Variants in RSRC1 observed in about 807,000 individuals in gnomAD.
RSRC1 encodes the protein arginine and serine rich coiled-coil 1, also known as serine/Arginine-related protein 53.
RSRC1 carries 39 observed loss-of-function variants against 49.1 expected under a neutral mutation model. That is an observed-to-expected ratio of 0.79 (90% CI 0.61 to 1.04). The LOEUF is 1.04. Ranked by LOEUF, RSRC1 falls within the 50% of genes least tolerant of loss-of-function variation. The probability of loss-of-function intolerance (pLI) is 0.00; values close to 1 mark genes in which losing one functional copy is unlikely to be tolerated. For missense variants in RSRC1, 388 were observed against 402.4 expected, an observed-to-expected ratio of 0.96 and a Z score of 0.31; for synonymous variants, 143 against 130.8, an observed-to-expected ratio of 1.09 and a Z score of -0.63.
chr3:158,477,553 C>T (rs1738419869), intron 7 of RSRC1, among the ~76,000 whole-genome samples: 1 of 151,910 alleles, frequency 6.6e-6, no homozygotes, highest in South Asian at 2.1e-4. Flanking sequence ...TAAATTAAGG[C>T]ATGTACAGTG....
intron 7 of RSRC1, among the ~76,000 whole-genome samples, chr3:158,534,862 C>G (rs1403151035): frequency 6.6e-6 from 1 of 151,128 alleles, no homozygotes; most frequent in Non-Finnish European, 1.5e-5. Flanking sequence ...ATGTAGTATG[C>G]TAATTTTATG....
chr3:158,409,524 A>T (rs1471361891), intron 6 of RSRC1, among the ~76,000 whole-genome samples: 1 of 151,614 alleles, frequency 6.6e-6, no homozygotes, highest in African/African-American at 2.4e-5. Context: ...ATTGTATTTT[A>T]TGTCTGATTA....
chr3:158,160,196 T>C (rs1469354091), intron 3 of RSRC1, among the ~76,000 whole-genome samples: 4 of 152,144 alleles, frequency 2.6e-5, no homozygotes, highest in Non-Finnish European at 5.9e-5. Flanking sequence ...TGAATGATTG[T>C]GTCTGTGTCT....
chr3:158,260,293 T>C (rs1035103787), intron 4 of RSRC1, among the ~76,000 whole-genome samples: 1 of 152,136 alleles, frequency 6.6e-6, no homozygotes, highest in Non-Finnish European at 1.5e-5. Context: ...TTGCCAGGAC[T>C]AGGTCTTCCC....
intron 6 of RSRC1, among the ~76,000 whole-genome samples, chr3:158,403,754 T>C (rs1313947554): frequency 6.6e-6 from 1 of 151,816 alleles, no homozygotes; most frequent in Admixed American, 6.6e-5. Flanking sequence ...TGTGTTCCTA[T>C]TTTATGAGTT....
At chr3:158,153,062 G>A (rs1207991738) in intron 3 of RSRC1, among the ~76,000 whole-genome samples, 1 of 152,156 alleles carries the variant, frequency 6.6e-6, no homozygotes. Flanking sequence ...AGCAGGTGGA[G>A]TTTTCCAGAC....
chr3:158,351,541 A>C (rs1730873721), intron 5 of RSRC1, among the ~76,000 whole-genome samples: 1 of 152,232 alleles, frequency 6.6e-6, no homozygotes, highest in African/African-American at 2.4e-5. Context: ...ATATCTGCAT[A>C]GGCAAATATT....
intron 6 of RSRC1, among the ~76,000 whole-genome samples, chr3:158,380,370 G>A (rs1014327399): frequency 7.9e-5 from 12 of 152,266 alleles, no homozygotes; most frequent in Admixed American, 6.5e-4. Context: ...TGAGGCTGGA[G>A]GATTACTTGA....
chr3:158,309,464 A>G (rs932011257), intron 5 of RSRC1, among the ~76,000 whole-genome samples: 1 of 151,842 alleles, frequency 6.6e-6, no homozygotes, highest in Non-Finnish European at 1.5e-5. Flanking sequence ...AGCATTTAAT[A>G]AACGTTTAAT....
At chr3:158,132,608 T>C (rs140529987) in intron 3 of RSRC1, among the ~76,000 whole-genome samples, 1 of 152,328 alleles carries the variant, frequency 6.6e-6, no homozygotes, top group Non-Finnish European at 1.5e-5. Context: ...ATTCCATTCA[T>C]GTGACAGTGA....
At chr3:158,433,418 C>T (rs1321410988) in intron 6 of RSRC1, among the ~76,000 whole-genome samples, 1 of 151,926 alleles carries the variant, frequency 6.6e-6, no homozygotes, top group Non-Finnish European at 1.5e-5. Flanking sequence ...TACAGAGATG[C>T]TACAGTACAA....
At chr3:158,501,340 G>GAA (rs1372675259) in intron 7 of RSRC1, among the ~76,000 whole-genome samples, 2 of 152,112 alleles carry the variant, frequency 1.3e-5, no homozygotes, top group Non-Finnish European at 2.9e-5. Flanking sequence ...TTCTGGGGTT[G>GAA]TTGGTTGAAA....
intron 4 of RSRC1, among the ~76,000 whole-genome samples, chr3:158,276,980 G>C (rs1725854870): frequency 6.6e-6 from 1 of 152,104 alleles, no homozygotes; most frequent in Admixed American, 6.6e-5. Context: ...ATTTAGACCA[G>C]AGATCAGTAA....
chr3:158,407,716 A>T (rs566847137), intron 6 of RSRC1, among the ~76,000 whole-genome samples: 26 of 152,048 alleles, frequency 1.7e-4, no homozygotes, highest in East Asian at 7.7e-4. Flanking sequence ...AGTTCTTTTT[A>T]AAAAAAATAG....
intron 4 of RSRC1, among the ~76,000 whole-genome samples, chr3:158,290,217 T>G (rs1726843929): frequency 6.6e-6 from 1 of 151,912 alleles, no homozygotes; most frequent in Non-Finnish European, 1.5e-5. Flanking sequence ...AATATATAAC[T>G]GAACAAAGAC....
chr3:158,299,562 C>G (rs1353328856), intron 5 of RSRC1, among the ~76,000 whole-genome samples: 2 of 152,056 alleles, frequency 1.3e-5, no homozygotes, highest in African/African-American at 4.8e-5. Flanking sequence ...TCTCAAACAC[C>G]TGACCTCAGG....
At chr3:158,518,128 A>G (rs964807816) in intron 7 of RSRC1, among the ~76,000 whole-genome samples, 901 of 59,694 alleles carry the variant, frequency 0.015, 17 homozygotes, top group East Asian at 0.1. Context: ...GTGTGTGTGT[A>G]TATATATATA....
chr3:158,448,057 T>C (rs1334652908), intron 6 of RSRC1, among the ~76,000 whole-genome samples: 1 of 151,832 alleles, frequency 6.6e-6, no homozygotes, highest in Admixed American at 6.6e-5. Context: ...ATTCTGTAGC[T>C]CCAAACCCCA....
chr3:158,183,767 T>A (rs1187081293), intron 3 of RSRC1, among the ~76,000 whole-genome samples: 4 of 151,662 alleles, frequency 2.6e-5, no homozygotes, highest in Non-Finnish European at 5.9e-5. Context: ...AATAAAAAAA[T>A]TAGTTGGGCA....
Sources: gnomAD v4.1 joint callset for allele counts (sites outside exome capture counted in the v4.1 genomes callset) on GRCh38, gnomAD v4.1.1 for gene constraint, MANE v1.5 for transcripts, NCBI Gene and HGNC (gene_info 2026-07-23, HGNC 2026-07-21) for gene names.